The following PDE10A variants were observed in gnomAD, a reference collection of about 807,000 sequenced individuals.
The protein encoded by PDE10A is phosphodiesterase 10A.
In PDE10A, 39 loss-of-function variants were observed where a neutral mutation model predicts 97.7. The ratio of observed to expected loss-of-function variants is 0.40; its 90% CI spans 0.31 to 0.52. PDE10A has a LOEUF of 0.52. PDE10A is among the 20% of genes least tolerant of loss of function. The probability of loss-of-function intolerance (pLI) is 0.56; values close to 1 mark genes in which losing one functional copy is unlikely to be tolerated. For missense variants in PDE10A, 731 were observed against 1,047.8 expected (o/e 0.70, Z 4.17); for synonymous variants, 371 against 376.8 (o/e 0.98, Z 0.18).
rs191767731 is a variant in PDE10A at position 165,337,760 on chromosome 6, C to T, written c.2976+1518G>A. 3.7e-3 allele frequency among the ~76,000 whole-genome samples: 562 copies of T among 152,242 alleles called. 1 individual carries two copies. The highest frequency in any genetic ancestry group is 7.6e-3 in the Admixed American group (117 of 15,296). On this transcript the variant is annotated intron_variant, in intron 20 of 21. Coordinates refer to ENST00000539869, the MANE Select transcript of PDE10A (RefSeq NM_001385079.1). ...CTTAGTTAAAAACACTAGAGCAAAA[C>T]CCATATGCTGACAGCATCAATGAGA...
chr6:165,504,591 A>G (rs1413507777), intron 2 of PDE10A, among the ~76,000 whole-genome samples: 1 of 152,142 alleles, frequency 6.6e-6, no homozygotes, highest in East Asian at 1.9e-4. Context: ...TTGGTACTGA[A>G]CACTGTGATT....
chr6:165,530,825 T>C (rs1435205610), intron 2 of PDE10A, among the ~76,000 whole-genome samples: 2 of 152,170 alleles, frequency 1.3e-5, no homozygotes, highest in African/African-American at 4.8e-5. Flanking sequence ...GAGGCATCAA[T>C]CAACCAGGGA....
chr6:165,738,651 T>G lies in PDE10A; in HGVS notation c.-614-195083A>C, dbSNP rs550930611. ...CTAACAGTGTAAAAGTGTTCCTATT[T>G]CTCCACATCCTGTCCAGCACCTGTT... On this transcript the variant is annotated intron_variant, in intron 1 of 19. Transcript: ENST00000366882. Among the ~76,000 whole-genome samples the G allele has an allele frequency of 2.8e-3, 424 of 151,876 alleles. 2 individuals carry two copies. Among genetic ancestry groups the G allele is most frequent in the Non-Finnish European group, 4.4e-3 (298 of 67,944 alleles).
chr6:165,690,109 G>A (rs1427986121), intron 1 of PDE10A, among the ~76,000 whole-genome samples: 1 of 152,122 alleles, frequency 6.6e-6, no homozygotes, highest in Non-Finnish European at 1.5e-5. Flanking sequence ...CAGAGAATAG[G>A]AAGAAGTAGG....
intron 1 of PDE10A, among the ~76,000 whole-genome samples, chr6:165,942,566 G>A (rs564576584): frequency 2.8e-4 from 42 of 152,140 alleles, no homozygotes; most frequent in Middle Eastern, 3.4e-3. Context: ...AGGGCTCGCC[G>A]CTCTGCCCCC....
intron 10 of PDE10A, among the ~76,000 whole-genome samples, chr6:165,427,454 G>C (rs1275568197): frequency 1.3e-5 from 2 of 152,044 alleles, no homozygotes; most frequent in East Asian, 3.9e-4. Flanking sequence ...TGATTGCTTA[G>C]GGCTGGTGAG....
At chr6:165,806,630 C>T (rs1481079683) in intron 1 of PDE10A, among the ~76,000 whole-genome samples, 1 of 148,374 alleles carries the variant, frequency 6.7e-6, no homozygotes, top group East Asian at 2.1e-4. Flanking sequence ...CCTGGACATG[C>T]TGCATGGCTC....
At chr6:165,858,221 TA>T (rs1480369947) in intron 1 of PDE10A, among the ~76,000 whole-genome samples, 1 of 152,160 alleles carries the variant, frequency 6.6e-6, no homozygotes, top group African/African-American at 2.4e-5. Context: ...TAAACACACA[TA>T]AAAAGACTTA....
At chr6:165,560,759 G>T in intron 1 of PDE10A, among the ~76,000 whole-genome samples, 1 of 152,158 alleles carries the variant, frequency 6.6e-6, no homozygotes, top group East Asian at 1.9e-4. Context: ...CAAGCCCAGG[G>T]GAGAACGTCT....
At chr6:165,963,447 G>A (rs543893291) in intron 1 of PDE10A, among the ~76,000 whole-genome samples, 3 of 152,310 alleles carry the variant, frequency 2.0e-5, no homozygotes, top group South Asian at 4.1e-4. Context: ...AAGTAGTTCC[G>A]GAGGGAATGC....
intron 1 of PDE10A, among the ~76,000 whole-genome samples, chr6:165,643,198 G>A (rs914140218): frequency 1.4e-4 from 21 of 152,152 alleles, no homozygotes; most frequent in African/African-American, 5.1e-4. Context: ...TGGATGCATA[G>A]GTAGGTGGGT....
At chr6:165,482,238 G>T in intron 3 of PDE10A, 77 bp downstream of exon 3, 2 of 961,428 alleles carry the variant, frequency 2.1e-6, no homozygotes, top group Non-Finnish European at 3.4e-6. Flanking sequence ...ACTTTAATGT[G>T]TTAGAGTACT....
chr6:165,512,194 A>G (rs1435686566), intron 2 of PDE10A, among the ~76,000 whole-genome samples: 2 of 151,774 alleles, frequency 1.3e-5, no homozygotes, highest in Non-Finnish European at 2.9e-5. Flanking sequence ...TTGCTTTACC[A>G]GTGAGTTTTA....
At chr6:165,630,427 T>C (rs1207840293) in intron 1 of PDE10A, among the ~76,000 whole-genome samples, 1 of 152,190 alleles carries the variant, frequency 6.6e-6, no homozygotes, top group Non-Finnish European at 1.5e-5. Flanking sequence ...ATAACTTCAA[T>C]ATAAAAGCAG....
Position 165,661,980 on chromosome 6 carries a change from A to G in PDE10A, c.832T>C (p.Phe278Leu), listed in dbSNP as rs1170549366. ...EDGPSNNASC[F>L]RRLTECFLSP... ...AGGAAGCACTCGGTCAGCCTTCGGA[A>G]GCAGCTCGCATTATTAGAAGGTCCA... The change falls in exon 1 of 22, where the codon TTC becomes CTC. Residue 278 changes from phenylalanine (F) to leucine (L), a missense_variant. This residue lies in a region of PDE10A where 181 missense variants were observed against 159.1 expected (regional missense o/e 1.14). Transcript: ENST00000539869. This position sits in a 1 kb window ranked among gnomAD's most constrained non-coding sequence, Gnocchi z 4.8. 4.7e-6 allele frequency: 6 copies of G among 1,285,602 alleles called. No individual in the cohort carries two copies. In the South Asian group the frequency reaches 7.8e-5, roughly 17 times the overall value. 79.6% of individuals were successfully genotyped at this position (1,285,602 alleles called of 1,614,324 possible).
intron 14 of PDE10A, 77 bp from the exon 15 acceptor site, chr6:165,395,341 G>T: frequency 9.8e-7 from 1 of 1,025,412 alleles, no homozygotes; most frequent in Non-Finnish European, 1.5e-6. Flanking sequence ...CATTTAACTT[G>T]TTTGTACCAA....
chr6:165,378,082 A>G (rs1784722880), intron 18 of PDE10A, among the ~76,000 whole-genome samples: 1 of 152,264 alleles, frequency 6.6e-6, no homozygotes, highest in African/African-American at 2.4e-5. Context: ...ACTGCTGCTT[A>G]TCCAAAAGCA....
In PDE10A at chr6:165,437,591, C is replaced by G. The variant is rs3799185; in HGVS notation, c.1195-2214G>C. ...ATTGAGTAATACTTTATAGTGGAAACTTTATACTTATTTTCCTAATTAGCT... is the reference window on the plus strand; with the variant it reads ...ATTGAGTAATACTTTATAGTGGAAAGTTTATACTTATTTTCCTAATTAGCT... On this transcript the variant is annotated intron_variant, in intron 5 of 21. Coordinates refer to ENST00000539869, the MANE Select transcript of PDE10A (RefSeq NM_001385079.1). Among the ~76,000 whole-genome samples, 44 of 152,246 alleles carry G rather than the reference C, an allele frequency of 2.9e-4. No individual in the cohort carries two copies. In the East Asian group the frequency reaches 8.1e-3, roughly 28 times the overall value.
intron 1 of PDE10A, among the ~76,000 whole-genome samples, chr6:165,640,072 G>GAAA (rs58783268): frequency 2.8e-3 from 389 of 138,672 alleles, no homozygotes; most frequent in Non-Finnish European, 4.2e-3. Flanking sequence ...TCTGTCACCA[G>GAAA]AAAAAAAAAA....
Sources: allele counts gnomAD v4.1 joint callset (sites outside exome capture counted in the v4.1 genomes callset), GRCh38; gene constraint gnomAD v4.1.1; regional missense constraint gnomAD v4.1.1; non-coding constraint Gnocchi (gnomAD v3.1); transcripts MANE v1.5; gene names NCBI Gene and HGNC (gene_info 2026-07-23, HGNC 2026-07-21).